WSB2: variants seen among roughly 807,000 people sequenced by gnomAD.
WSB2 encodes WD repeat and SOCS box-containing protein 2.
A neutral mutation model predicts 48.8 loss-of-function variants in WSB2; 12 were observed. The observed-to-expected ratio is 0.25, with a 90% CI of 0.16 to 0.40. The LOEUF (loss-of-function observed/expected upper bound fraction) is 0.40, where lower values mean the gene tolerates loss of function less well. Among genes scored for constraint, WSB2 ranks in the 10% least tolerant of loss-of-function variants. The pLI is 1.00. For synonymous variants in WSB2, 191 were observed against 203.1 expected, an observed-to-expected ratio of 0.94 and a Z score of 0.51; for missense variants, 317 against 506.2, an observed-to-expected ratio of 0.63 and a Z score of 3.59.
intron 1 of WSB2, among the ~76,000 whole-genome samples, chr12:118,058,626 C>G (rs1319971605): frequency 6.6e-6 from 1 of 152,090 alleles, no homozygotes; most frequent in African/African-American, 2.4e-5. Flanking sequence ...TGCTGGGCCA[C>G]TGCGCCTGGC....
intron 4 of WSB2, among the ~76,000 whole-genome samples, chr12:118,041,876 T>A (rs2031644156): frequency 2.0e-5 from 3 of 148,622 alleles, no homozygotes; most frequent in African/African-American, 7.4e-5. Flanking sequence ...TGCCTCAGCC[T>A]CCCGAGTAGC....
intron 4 of WSB2, among the ~76,000 whole-genome samples, chr12:118,041,559 G>C (rs2137774265): frequency 6.6e-6 from 1 of 152,118 alleles, no homozygotes; most frequent in Middle Eastern, 3.4e-3. Flanking sequence ...GCTTGGGAGA[G>C]AGTGCCAGTG....
intron 5 of WSB2, among the ~76,000 whole-genome samples, chr12:118,036,865 G>C (rs939223191): frequency 4.6e-5 from 7 of 152,196 alleles, no homozygotes; most frequent in African/African-American, 1.2e-4. Context: ...CCTGAGCCAA[G>C]TGCTATCTTA....
upstream of WSB2, chr12:118,061,986 G>A: frequency 7.8e-6 from 8 of 1,025,592 alleles, no homozygotes; most frequent in African/African-American, 1.6e-5. Flanking sequence ...AGGGAAGTGA[G>A]GAGAACACGG....
intron 2 of WSB2, among the ~76,000 whole-genome samples, chr12:118,051,987 AAAGT>A (rs2031861740): frequency 6.6e-6 from 1 of 152,196 alleles, no homozygotes; most frequent in East Asian, 1.9e-4. Context: ...ATAAATAAAT[AAAGT>A]AAGACTGATG....
chr12:118,039,023 C>T (rs1566136867), intron 4 of WSB2, among the ~76,000 whole-genome samples: 2 of 152,090 alleles, frequency 1.3e-5, no homozygotes, highest in African/African-American at 4.8e-5. Flanking sequence ...TTTAGGCTCC[C>T]CAACCACCTC....
In WSB2 at chr12:118,043,325, C is replaced by A; in HGVS notation, c.235G>T (p.Gly79Trp). The change falls in exon 3 of 9, where the codon GGG (glycine) becomes TGG (tryptophan). Residue 79 changes from glycine to tryptophan, a missense_variant. Around this residue, in one of 2 missense-constraint regions of WSB2, gnomAD observed 128 missense variants for 156.7 expected, o/e 0.82. Transcript: ENST00000315436. ...KSRSSKNETKGRGSPKEKTLD... is the reference protein window; with the variant it reads ...KSRSSKNETKWRGSPKEKTLD... ...GTCTTCTCTTTTGGGCTGCCCCGCC[C>A]TTTCGTCTCATTTTTGCTACTTCGG... 6.2e-7 allele frequency: 1 copy of A among 1,600,726 alleles called. No individual in the cohort carries two copies. The highest frequency in any genetic ancestry group is 8.5e-7 in the Non-Finnish European group (1 of 1,173,596).
At chr12:118,042,469 A>G in intron 4 of WSB2, 2 of 198,274 alleles carry the variant, frequency 1.0e-5, no homozygotes, top group South Asian at 1.7e-4. Context: ...TAGATCAAAT[A>G]TTTTTAACAG....
rs550650687 is a variant in WSB2 at position 118,043,322 on chromosome 12, G to A, written c.238C>T (p.Arg80Trp). 23 of 1,603,352 alleles carry A rather than the reference G, an allele frequency of 1.4e-5. No homozygotes were observed. The Admixed American group carries it at 1.6e-4, about 11-fold the overall frequency. The change falls in exon 3 of 9, where the codon CGG becomes TGG. Residue 80 changes from arginine (R) to tryptophan (W), a missense_variant. Transcript: ENST00000315436. ...SRSSKNETKG[R>W]GSPKEKTLDC... ...AGCGTCTTCTCTTTTGGGCTGCCCC[G>A]CCCTTTCGTCTCATTTTTGCTACTT...
intron 2 of WSB2, 44 bp from the exon 3 acceptor site, chr12:118,043,421 A>C: frequency 6.6e-7 from 1 of 1,517,412 alleles, no homozygotes; most frequent in Non-Finnish European, 8.8e-7. Context: ...AATTGTTACC[A>C]GTCTATCAAC....
rs2031473033 is a variant in WSB2, at chr12:118,034,973, A to G, written c.1052+13T>C. ...GAAAGCACCACCCATCTGTTCAGCT[A>G]ACAAATACATACCCTGTGGCAATGA... On this transcript the variant is annotated intron_variant, in intron 8 of 8. Transcript: ENST00000315436. 1 of 1,613,458 alleles carries G rather than the reference A, an allele frequency of 6.2e-7. No homozygotes were observed. Among genetic ancestry groups the G allele is most frequent in the African/African-American group, 1.3e-5 (1 of 75,056 alleles).
chr12:118,049,330 G>C (rs928146928), intron 2 of WSB2, among the ~76,000 whole-genome samples: 4 of 151,812 alleles, frequency 2.6e-5, no homozygotes, highest in African/African-American at 9.7e-5. Flanking sequence ...ATTTCAAACT[G>C]TTTCCAATTT....
chr12:118,049,488 G>T (rs559337598), intron 2 of WSB2, among the ~76,000 whole-genome samples: 1 of 151,404 alleles, frequency 6.6e-6, no homozygotes, highest in African/African-American at 2.4e-5. Flanking sequence ...TGCAACCTCC[G>T]CCTCCCAGGT....
At chr12:118,062,069 G>A (rs760608509), upstream of WSB2, 1,202 of 1,532,092 alleles carry the variant, frequency 7.8e-4, 1 homozygote, top group Non-Finnish European at 8.0e-4. Context: ...GGGCAGGAGC[G>A]ATTCGGAAGA....
At position 118,043,226 on chromosome 12, in the gene WSB2, C is replaced by T. The variant is rs1276844019; in HGVS notation, c.334G>A (p.Ala112Thr). ...TCGGGCACTTGGGGGTGGTGGCGTGCCCAGAGCTTCCTGCTGGGTGGGGAA... is the reference window on the plus strand; with the variant it reads ...TCGGGCACTTGGGGGTGGTGGCGTGTCCAGAGCTTCCTGCTGGGTGGGGAA... ...WPSPPSRKLW[A>T]RHHPQVPDVS... The change falls in exon 3 of 9, where the codon GCA becomes ACA. Residue 112 changes from alanine (A) to threonine (T), a missense_variant. Around this residue, in one of 2 missense-constraint regions of WSB2, gnomAD observed 128 missense variants for 156.7 expected, o/e 0.82. Transcript: ENST00000315436. 16 of 1,614,076 alleles carry T rather than the reference C, an allele frequency of 9.9e-6. No individual in the cohort carries two copies. Among genetic ancestry groups the T allele is most frequent in the Non-Finnish European group, 1.4e-5 (16 of 1,180,034 alleles).
At chr12:118,051,317 G>A (rs2031848382) in intron 2 of WSB2, among the ~76,000 whole-genome samples, 1 of 152,108 alleles carries the variant, frequency 6.6e-6, no homozygotes, top group Non-Finnish European at 1.5e-5. Flanking sequence ...GAAAACACAG[G>A]TTTTCTATAA....
At chr12:118,039,605 AAG>A (rs1393693876) in intron 4 of WSB2, among the ~76,000 whole-genome samples, 1 of 152,194 alleles carries the variant, frequency 6.6e-6, no homozygotes, top group Admixed American at 6.5e-5. Flanking sequence ...CAGGGAGGGC[AAG>A]AGAGAGAATT....
At chr12:118,037,441 C>T (rs967359901) in intron 5 of WSB2, among the ~76,000 whole-genome samples, 3 of 151,878 alleles carry the variant, frequency 2.0e-5, no homozygotes, top group African/African-American at 7.3e-5. Flanking sequence ...CCCAGGCGGG[C>T]GGATCACCTG....
chr12:118,058,800 G>A (rs1392087678), intron 1 of WSB2, among the ~76,000 whole-genome samples: 1 of 151,620 alleles, frequency 6.6e-6, no homozygotes, highest in Non-Finnish European at 1.5e-5. Flanking sequence ...CAGTTCAAGC[G>A]GTTCTCCTGC....
Sources: gnomAD v4.1 joint callset for allele counts (sites outside exome capture counted in the v4.1 genomes callset) on GRCh38, gnomAD v4.1.1 for gene constraint, gnomAD v4.1.1 regional missense constraint, MANE v1.5 for transcripts, NCBI Gene and HGNC (gene_info 2026-07-23, HGNC 2026-07-21) for gene names.